The following GLIS3 variants were observed in gnomAD, a reference collection of about 807,000 sequenced individuals.
GLIS3 encodes the protein GLIS family zinc finger 3.
In GLIS3, 53 loss-of-function variants were observed where a neutral mutation model predicts 78.6. The ratio of observed to expected loss-of-function variants is 0.67; its 90% CI spans 0.54 to 0.85. GLIS3 has a LOEUF of 0.85. Among genes scored for constraint, GLIS3 ranks in the 40% least tolerant of loss-of-function variants. The pLI, the probability that GLIS3 is intolerant of heterozygous loss-of-function variation, is 0.00. For missense variants in GLIS3, 1,703 were observed against 1,231.1 expected (o/e 1.38, Z -5.74); for synonymous variants, 684 against 509.9 (o/e 1.34, Z -4.60).
chr9:4,385,665 CAAAAAA>C, the GLIS3 span, among the ~76,000 whole-genome samples: 1 of 75,318 alleles, frequency 1.3e-5, no homozygotes, highest in African/African-American at 5.9e-5. Context: ...AACTCCATCT[CAAAAAA>C]AAAAAAAAAA....
At chr9:3,838,978 C>G (rs564115126) in intron 9 of GLIS3, among the ~76,000 whole-genome samples, 1 of 152,148 alleles carries the variant, frequency 6.6e-6, no homozygotes, top group Non-Finnish European at 1.5e-5. Context: ...GGGGTCGCAT[C>G]TACTCAGCCT....
intron 2 of GLIS3, among the ~76,000 whole-genome samples, chr9:4,214,613 C>A (rs968495860): frequency 1.3e-5 from 2 of 152,194 alleles, no homozygotes; most frequent in Non-Finnish European, 2.9e-5. Flanking sequence ...TTTAGTGTGT[C>A]ACTTTTTTTC....
At chr9:4,153,807 G>A (rs989123433) in intron 2 of GLIS3, among the ~76,000 whole-genome samples, 1 of 152,180 alleles carries the variant, frequency 6.6e-6, no homozygotes, top group South Asian at 2.1e-4. Flanking sequence ...ATTATCTACT[G>A]CTACATAGCA....
rs1275204186 is a variant in GLIS3 at position 3,965,276 on chromosome 9, C to A, written c.1711-28087G>T. ...TGGCGTGATCTCGGCTCACTGCAAC[C>A]TTTGCCTCCCAGGTTCAAGCGATTC... is the stretch of plus-strand genomic sequence containing the variant. On this transcript the variant is annotated intron_variant, in intron 4 of 10. Coordinates refer to ENST00000381971, the MANE Select transcript of GLIS3 (RefSeq NM_001042413.2). Among the ~76,000 whole-genome samples the A allele has an allele frequency of 5.5e-5, 8 of 144,902 alleles. No homozygotes were observed. In the Admixed American group the frequency reaches 5.7e-4, roughly 10 times the overall value.
chr9:3,936,494 C>G (rs1157356694), intron 5 of GLIS3, among the ~76,000 whole-genome samples: 1 of 152,028 alleles, frequency 6.6e-6, no homozygotes, highest in Non-Finnish European at 1.5e-5. Context: ...TTTACTGTTT[C>G]TTCTTAGATC....
At chr9:3,964,258 C>T (rs746068643) in intron 4 of GLIS3, among the ~76,000 whole-genome samples, 21 of 152,142 alleles carry the variant, frequency 1.4e-4, no homozygotes, top group African/African-American at 2.4e-4. Context: ...ATCTGAAGCT[C>T]GGAGCAAGCT....
At chr9:4,475,295 G>C in the GLIS3 span, among the ~76,000 whole-genome samples, 3 of 152,310 alleles carry the variant, frequency 2.0e-5, no homozygotes, top group South Asian at 6.2e-4. Flanking sequence ...AGAAGAGGCT[G>C]AACAGATGCT....
At chr9:4,292,701 G>C (rs1816121489) in intron 1 of GLIS3, among the ~76,000 whole-genome samples, 1 of 152,170 alleles carries the variant, frequency 6.6e-6, no homozygotes, top group South Asian at 2.1e-4. Flanking sequence ...CCAACTGACA[G>C]AATAAGGATC....
At chr9:4,227,496 C>A (rs1821874368) in intron 2 of GLIS3, among the ~76,000 whole-genome samples, 1 of 152,074 alleles carries the variant, frequency 6.6e-6, no homozygotes, top group Non-Finnish European at 1.5e-5. Flanking sequence ...GATCAGTATT[C>A]TCTGGGCCAA....
upstream of GLIS3, among the ~76,000 whole-genome samples, chr9:4,352,789 C>T (rs940276271): frequency 6.6e-6 from 1 of 152,146 alleles, no homozygotes; most frequent in Non-Finnish European, 1.5e-5. Context: ...CAGAATTGGT[C>T]ATAAATAAAC....
intron 6 of GLIS3, among the ~76,000 whole-genome samples, chr9:3,913,988 C>T (rs1245667055): frequency 6.6e-6 from 1 of 151,942 alleles, no homozygotes; most frequent in Non-Finnish European, 1.5e-5. Flanking sequence ...GGGTAGGCCC[C>T]AAAGACAAAT....
chr9:4,401,983 C>T, the GLIS3 span, among the ~76,000 whole-genome samples: 1 of 152,160 alleles, frequency 6.6e-6, no homozygotes, highest in Non-Finnish European at 1.5e-5. Context: ...AATAGAACAA[C>T]AGATAAACTG....
chr9:4,133,827 C>CAG (rs1833160897), intron 2 of GLIS3, among the ~76,000 whole-genome samples: 1 of 28,462 alleles, frequency 3.5e-5, no homozygotes, highest in Non-Finnish European at 6.3e-5. Flanking sequence ...AGACCTTCTA[C>CAG]ACACACACAC....
the GLIS3 span, among the ~76,000 whole-genome samples, chr9:4,488,405 G>C: frequency 2.8e-4 from 42 of 152,172 alleles, no homozygotes; most frequent in African/African-American, 9.6e-4. Context: ...GCTGCATAAG[G>C]TACTGTTGCT....
At chr9:4,223,236 C>T (rs1179500773) in intron 2 of GLIS3, among the ~76,000 whole-genome samples, 3 of 152,208 alleles carry the variant, frequency 2.0e-5, no homozygotes, top group Admixed American at 1.3e-4. Context: ...CACATTGCCA[C>T]ATACCTTGAA....
intron 2 of GLIS3, among the ~76,000 whole-genome samples, chr9:4,197,247 G>C (rs1377806707): frequency 6.6e-6 from 1 of 151,442 alleles, no homozygotes; most frequent in African/African-American, 2.4e-5. Context: ...TCCCTATGCA[G>C]AGATGCTGTG....
intron 2 of GLIS3, among the ~76,000 whole-genome samples, chr9:4,210,789 G>A (rs1820307770): frequency 6.6e-6 from 1 of 152,202 alleles, no homozygotes; most frequent in Admixed American, 6.5e-5. Context: ...GTCTCCTTAT[G>A]GTCTCACCAA....
At chr9:4,072,304 G>A (rs1588603498) in intron 4 of GLIS3, among the ~76,000 whole-genome samples, 2 of 152,070 alleles carry the variant, frequency 1.3e-5, no homozygotes, top group South Asian at 2.1e-4. Flanking sequence ...GGCTCTCTAC[G>A]CCATTCACAA....
intron 4 of GLIS3, among the ~76,000 whole-genome samples, chr9:3,955,152 G>A (rs564208379): frequency 6.6e-6 from 1 of 152,272 alleles, no homozygotes; most frequent in East Asian, 1.9e-4. Flanking sequence ...AAATCAGAGA[G>A]ACGTTGCAAA....
Sources: gnomAD v4.1 joint callset for allele counts (sites outside exome capture counted in the v4.1 genomes callset) on GRCh38, gnomAD v4.1.1 for gene constraint, MANE v1.5 for transcripts, NCBI Gene and HGNC (gene_info 2026-07-23, HGNC 2026-07-21) for gene names.